Variants in TRIO observed in about 807,000 individuals in gnomAD.
TRIO encodes trio Rho guanine nucleotide exchange factor.
A neutral mutation model predicts 351.9 loss-of-function variants in TRIO; 58 were observed. That is an observed-to-expected ratio of 0.16 (90% CI 0.13 to 0.21). The LOEUF (loss-of-function observed/expected upper bound fraction) is 0.21. Ranked by LOEUF, TRIO falls within the 10% of genes least tolerant of loss-of-function variation. The probability of loss-of-function intolerance (pLI) is 1.00; values close to 1 mark genes in which losing one functional copy is unlikely to be tolerated. For synonymous variants in TRIO, 1,758 were observed against 1,595.7 expected (o/e 1.10, Z -2.42); for missense variants, 3,201 against 4,027.8 (o/e 0.79, Z 5.56).
intron 13 of TRIO, 36 bp from the exon 14 acceptor site, chr5:14,363,696 A>T (rs1408843321): frequency 6.3e-7 from 1 of 1,587,058 alleles, no homozygotes; most frequent in Admixed American, 1.7e-5. Flanking sequence ...CTGCATGTAT[A>T]TTTTTTTTGT....
chr5:14,446,144 C>CCCTCCCTCGCTCCCTT (rs1429009659), intron 34 of TRIO, among the ~76,000 whole-genome samples: 9 of 151,408 alleles, frequency 5.9e-5, no homozygotes, highest in African/African-American at 1.2e-4. Context: ...AGCCCTCCCT[C>CCCTCCCTCGCTCCCTT]CCTCCCTCGC....
intron 48 of TRIO, 73 bp downstream of exon 48, chr5:14,488,333 C>A: frequency 6.7e-7 from 1 of 1,493,062 alleles, no homozygotes; most frequent in Non-Finnish European, 8.9e-7. Flanking sequence ...GCCACCGCGG[C>A]TGTTCTCACT....
At position 14,297,191 on chromosome 5, in the gene TRIO, G is replaced by C; in HGVS notation, c.1296G>C (p.Ala432=). ...GTCAGCTGGAGCAGGAGTGGAAGGCGTTTGCGGCAGCCCTGGATGAGCGGA... is the reference window on the plus strand; with the variant it reads ...GTCAGCTGGAGCAGGAGTGGAAGGCCTTTGCGGCAGCCCTGGATGAGCGGA... ...IASQLEQEWK[A]FAAALDERST... Residue 432 remains alanine (A), a synonymous_variant, in exon 7 of 57, where the codon GCG becomes GCC. Transcript: ENST00000344204. The C allele has an allele frequency of 6.2e-7, 1 of 1,614,216 alleles. No homozygotes were observed. The highest frequency in any genetic ancestry group is 8.5e-7 in the Non-Finnish European group (1 of 1,180,030).
chr5:14,147,364 C>T (rs191679039), intron 1 of TRIO, among the ~76,000 whole-genome samples: 3 of 152,244 alleles, frequency 2.0e-5, no homozygotes, highest in Admixed American at 6.5e-5. Context: ...CCACTGGGAC[C>T]AATCATTTTT....
intron 45 of TRIO, 98 bp downstream of exon 45, chr5:14,481,716 C>T: frequency 8.4e-7 from 1 of 1,188,306 alleles, no homozygotes; most frequent in Non-Finnish European, 1.2e-6. Context: ...TGATCCTTTT[C>T]ACTTGGTTTT....
intron 34 of TRIO, among the ~76,000 whole-genome samples, chr5:14,457,980 C>G (rs1033818778): frequency 6.6e-6 from 1 of 151,686 alleles, no homozygotes; most frequent in Non-Finnish European, 1.5e-5. Context: ...TGTAAGTGTT[C>G]TGCTTATGAA....
intron 9 of TRIO, among the ~76,000 whole-genome samples, chr5:14,317,073 AC>A (rs1322043828): frequency 6.6e-6 from 1 of 152,114 alleles, no homozygotes; most frequent in Non-Finnish European, 1.5e-5. Context: ...TTTAGTTAAC[AC>A]TTGTCTGCTT....
chr5:14,450,160 G>A (rs773221780), intron 34 of TRIO, among the ~76,000 whole-genome samples: 1 of 152,166 alleles, frequency 6.6e-6, no homozygotes, highest in East Asian at 1.9e-4. Flanking sequence ...TGGTGAGATC[G>A]ACGCGGCCGG....
chr5:14,318,962 C>T (rs6884930), intron 9 of TRIO, among the ~76,000 whole-genome samples: 2,584 of 152,202 alleles, frequency 0.017, 32 homozygotes, highest in Non-Finnish European at 0.025. Context: ...TTCTTTCTCT[C>T]ATCTCATGCT....
Position 14,456,371 on chromosome 5 carries a change from T to C in TRIO, c.5204-4648T>C, listed in dbSNP as rs891404824. On this transcript the variant is annotated intron_variant, in intron 34 of 56. Coordinates refer to ENST00000344204, the MANE Select transcript of TRIO (RefSeq NM_007118.4). Reference sequence around the variant, plus strand: ...TCCTCAAGCGTGGCCAGAGCAGAAGTGGAGGTGGTGCTGAGAACGAGTGAG... The same window carrying C: ...TCCTCAAGCGTGGCCAGAGCAGAAGCGGAGGTGGTGCTGAGAACGAGTGAG... 2.0e-5 allele frequency among the ~76,000 whole-genome samples: 3 copies of C among 152,266 alleles called. No individual in the cohort carries two copies. In the East Asian group the frequency reaches 5.8e-4, roughly 29 times the overall value.
At position 14,392,520 on chromosome 5, in the gene TRIO, C is replaced by T. The variant is rs189241748; in HGVS notation, c.4219-1518C>T. On this transcript the variant is annotated intron_variant, in intron 27 of 56. Transcript: ENST00000344204. ...TCAACCATTGTGGAAGACAGTGTGG[C>T]GATTCCTCAAGGATCTAGAACCAGA... Among the ~76,000 whole-genome samples, 825 of 152,266 alleles carry T rather than the reference C, an allele frequency of 5.4e-3. 4 individuals are homozygous for T. Among genetic ancestry groups the T allele is most frequent in the Non-Finnish European group, 9.3e-3 (633 of 68,018 alleles).
In TRIO at chr5:14,472,650, G is replaced by A; in HGVS notation, c.5971G>A (p.Val1991Met). ...ERDYVRDLGY[V>M]VEGYMALMKE... ...TGACTATGTGCGGGACCTTGGCTATGTGGTTGAGGTGTGTATTGCCAGAAA... is the reference window on the plus strand; with the variant it reads ...TGACTATGTGCGGGACCTTGGCTATATGGTTGAGGTGTGTATTGCCAGAAA... Residue 1991 changes from valine to methionine, a missense_variant, in exon 39 of 57, where the codon GTG becomes ATG. Around this residue, in one of 19 missense-constraint regions of TRIO, gnomAD observed 307 missense variants for 396.5 expected, o/e 0.77. Coordinates refer to ENST00000344204, the MANE Select transcript of TRIO (RefSeq NM_007118.4). 4.3e-6 allele frequency: 7 copies of A among 1,613,924 alleles called. No individual in the cohort carries two copies. Among genetic ancestry groups the A allele is most frequent in the Non-Finnish European group, 5.9e-6 (7 of 1,179,864 alleles).
intron 3 of TRIO, among the ~76,000 whole-genome samples, chr5:14,283,171 G>A (rs1736149417): frequency 1.3e-5 from 2 of 152,234 alleles, no homozygotes; most frequent in African/African-American, 4.8e-5. Flanking sequence ...CTTATGTGTA[G>A]TTTGTAAGTC....
Position 14,150,439 on chromosome 5 carries a change from C to CA in TRIO, c.157+6557_157+6558insA, listed in dbSNP as rs1491575740. Among the ~76,000 whole-genome samples the CA allele has an allele frequency of 2.2e-3, 332 of 151,526 alleles. 1 individual carries two copies. The highest frequency in any genetic ancestry group is 3.9e-3 in the Non-Finnish European group (265 of 67,882). On this transcript the variant is annotated intron_variant, in intron 1 of 56. Transcript: ENST00000344204. Reference sequence around the variant, plus strand: ...CACACATGCACACAACACACACACACCGTTTAACTGTATATGTTATTTTAA... The same window carrying CA: ...CACACATGCACACAACACACACACACACGTTTAACTGTATATGTTATTTTAA...
chr5:14,365,102 T>C (rs1450682561), intron 15 of TRIO, among the ~76,000 whole-genome samples: 1 of 152,226 alleles, frequency 6.6e-6, no homozygotes, highest in African/African-American at 2.4e-5. Flanking sequence ...GTATTGATAG[T>C]CTGTCTCTTG....
intron 43 of TRIO, 37 bp from the exon 44 acceptor site, chr5:14,481,197 T>C: frequency 6.3e-7 from 1 of 1,593,212 alleles, no homozygotes; most frequent in Non-Finnish European, 8.5e-7. Context: ...CTGTTGTCTT[T>C]GTCACCATTA....
intron 1 of TRIO, among the ~76,000 whole-genome samples, chr5:14,179,004 C>T (rs981922461): frequency 6.6e-6 from 1 of 152,238 alleles, no homozygotes; most frequent in Non-Finnish European, 1.5e-5. Context: ...CCCTTCTTTA[C>T]CAAGAGCTCA....
intron 1 of TRIO, among the ~76,000 whole-genome samples, chr5:14,184,845 T>G (rs1790009244): frequency 6.6e-6 from 1 of 152,188 alleles, no homozygotes; most frequent in African/African-American, 2.4e-5. Flanking sequence ...GCTTCCCTCC[T>G]GGCGTCTGTA....
intron 37 of TRIO, among the ~76,000 whole-genome samples, chr5:14,470,428 C>T (rs890320446): frequency 1.3e-5 from 2 of 152,138 alleles, no homozygotes; most frequent in African/African-American, 2.4e-5. Context: ...ATCTATATAT[C>T]CAGTTTGTTG....
Sources: gnomAD v4.1 joint callset for allele counts (sites outside exome capture counted in the v4.1 genomes callset) on GRCh38, gnomAD v4.1.1 for gene constraint, gnomAD v4.1.1 regional missense constraint, MANE v1.5 for transcripts, NCBI Gene and HGNC (gene_info 2026-07-23, HGNC 2026-07-21) for gene names.